Variants in ZBBX observed in about 807,000 individuals in gnomAD.
The protein encoded by ZBBX is zinc finger B-box domain containing.
Under a neutral mutation model 108.5 loss-of-function variants are expected in ZBBX, and 101 were observed. The observed-to-expected ratio is 0.93, with a 90% CI of 0.79 to 1.10. The LOEUF is 1.10. Ranked by LOEUF, ZBBX falls within the 50% of genes least tolerant of loss-of-function variation. The pLI is 0.00. For synonymous variants in ZBBX, 356 were observed against 323.4 expected, an observed-to-expected ratio of 1.10 and a Z score of -1.08; for missense variants, 1,009 against 941.4, an observed-to-expected ratio of 1.07 and a Z score of -0.94.
At chr3:167,247,828 C>A (rs1445961079) in intron 20 of ZBBX, among the ~76,000 whole-genome samples, 12 of 152,152 alleles carry the variant, frequency 7.9e-5, no homozygotes, top group Non-Finnish European at 1.5e-4. Context: ...GAATGTGAAA[C>A]TGTCATGTCT....
intron 18 of ZBBX, among the ~76,000 whole-genome samples, chr3:167,292,098 T>C (rs1237100997): frequency 6.6e-6 from 1 of 152,020 alleles, no homozygotes; most frequent in Non-Finnish European, 1.5e-5. Context: ...TCCTATACAA[T>C]AATAGTGGGA....
intron 1 of ZBBX, among the ~76,000 whole-genome samples, chr3:167,405,175 G>A (rs1368737178): frequency 2.0e-5 from 3 of 152,182 alleles, no homozygotes. Context: ...TGTTAAAAAT[G>A]TCTACAGGGC....
intron 20 of ZBBX, among the ~76,000 whole-genome samples, chr3:167,262,437 G>C (rs1002767440): frequency 5.3e-5 from 8 of 152,154 alleles, no homozygotes; most frequent in African/African-American, 1.7e-4. Context: ...CAATAGGATT[G>C]GTATAAGTTC....
Position 167,317,575 on chromosome 3 carries a change from T to TAA in ZBBX, c.1004_1005dup (p.Lys336LeufsTer45). ...TGTGGGAACGTATCTGGTAGCATTT[T>TAA]AAAAAGTTGCTCTTGTGGAGTTCTA... On this transcript the variant is annotated frameshift_variant, in exon 13 of 22. Transcript: ENST00000675490. LOFTEE classifies it high-confidence loss of function. 6.2e-7 allele frequency: 1 copy of TAA among 1,610,156 alleles called. No homozygotes were observed. Among genetic ancestry groups the TAA allele is most frequent in the African/African-American group, 1.3e-5 (1 of 74,820 alleles).
At chr3:167,208,191 T>A in the ZBBX span, among the ~76,000 whole-genome samples, 12 of 152,158 alleles carry the variant, frequency 7.9e-5, no homozygotes, top group Admixed American at 2.0e-4. Flanking sequence ...CCACTGTGTG[T>A]TAAAGTGCTC....
upstream of ZBBX, among the ~76,000 whole-genome samples, chr3:167,383,924 A>G (rs1480893435): frequency 6.6e-6 from 1 of 152,090 alleles, no homozygotes; most frequent in Admixed American, 6.5e-5. Flanking sequence ...GGAGCATTAC[A>G]TGTTTGTGGC....
intron 2 of ZBBX, among the ~76,000 whole-genome samples, chr3:167,374,064 T>G (rs1228056758): frequency 6.6e-6 from 1 of 152,096 alleles, no homozygotes. Flanking sequence ...TTGTTCTATC[T>G]AAAAATAATA....
intron 12 of ZBBX, among the ~76,000 whole-genome samples, chr3:167,321,745 A>C (rs1736479922): frequency 6.6e-6 from 1 of 152,106 alleles, no homozygotes; most frequent in Admixed American, 6.6e-5. Context: ...AATTAATTTA[A>C]AACTAGATTC....
intron 20 of ZBBX, among the ~76,000 whole-genome samples, chr3:167,263,032 G>GTTTTTTTTTTTTTTTTTTTTTTTTTTT: frequency 9.0e-6 from 1 of 111,034 alleles, no homozygotes; most frequent in African/African-American, 3.3e-5. Flanking sequence ...TGCTTTTCTA[G>GTTTTTTTTTTTTTTTTTTTTTTTTTTT]TTCTTTTTTT....
At chr3:167,355,131 C>T (rs532045784) in intron 8 of ZBBX, among the ~76,000 whole-genome samples, 1 of 152,018 alleles carries the variant, frequency 6.6e-6, no homozygotes, top group East Asian at 1.9e-4. Flanking sequence ...CTTCAGAATC[C>T]ATTTGAGTTT....
chr3:167,232,898 G>A, the ZBBX span, among the ~76,000 whole-genome samples: 2 of 151,700 alleles, frequency 1.3e-5, no homozygotes, highest in African/African-American at 4.8e-5. Flanking sequence ...GCTGGTTTGG[G>A]ACTAGAGGTA....
chr3:167,184,585 A>G, the ZBBX span, among the ~76,000 whole-genome samples: 1 of 152,170 alleles, frequency 6.6e-6, no homozygotes, highest in Non-Finnish European at 1.5e-5. Flanking sequence ...GTCAACAGGA[A>G]ACCGGTTACA....
the ZBBX span, among the ~76,000 whole-genome samples, chr3:167,228,454 A>C: frequency 3.3e-5 from 5 of 151,808 alleles, no homozygotes; most frequent in Non-Finnish European, 5.9e-5. Flanking sequence ...GACTTAGAAC[A>C]GTGCTATTTA....
At chr3:167,378,124 C>T (rs1285336845) in intron 2 of ZBBX, among the ~76,000 whole-genome samples, 1 of 152,170 alleles carries the variant, frequency 6.6e-6, no homozygotes, top group Non-Finnish European at 1.5e-5. Flanking sequence ...GTGAATCAAA[C>T]CTCTTTCCTT....
chr3:167,192,071 G>A, the ZBBX span, among the ~76,000 whole-genome samples: 7 of 151,332 alleles, frequency 4.6e-5, no homozygotes, highest in Admixed American at 6.6e-5. Context: ...CTCTTGACAG[G>A]TTACTGTAGG....
At chr3:167,405,637 C>G (rs560134457) in intron 1 of ZBBX, among the ~76,000 whole-genome samples, 1 of 152,272 alleles carries the variant, frequency 6.6e-6, no homozygotes, top group South Asian at 2.1e-4. Context: ...TTTCAGGGAG[C>G]TTGATATTTA....
chr3:167,231,215 A>T, the ZBBX span, among the ~76,000 whole-genome samples: 1 of 151,936 alleles, frequency 6.6e-6, no homozygotes, highest in Non-Finnish European at 1.5e-5. Flanking sequence ...TAGAGGTTTG[A>T]CAGAATCAGC....
Position 167,242,473 on chromosome 3 carries a change from A to G in ZBBX, c.2393+32T>C, listed in dbSNP as rs371101658. The stretch of plus-strand genomic sequence containing the variant: ...GCTTGTCAAAATTTTACTACATACT[A>G]TATTAATAAATAAACTGCAGGCTTA... On this transcript the variant is annotated intron_variant, in intron 21 of 21. Coordinates refer to ENST00000675490, the MANE Select transcript of ZBBX (RefSeq NM_001199201.2). 2.9e-5 allele frequency: 45 copies of G among 1,569,220 alleles called. No homozygotes were observed. In the African/African-American group the frequency reaches 5.9e-4, roughly 21 times the overall value.
chr3:167,226,761 GA>G, the ZBBX span, among the ~76,000 whole-genome samples: 1 of 151,532 alleles, frequency 6.6e-6, no homozygotes, highest in Non-Finnish European at 1.5e-5. Flanking sequence ...ACTCCCTAAT[GA>G]CTACTTTAGT....
Sources: gnomAD v4.1 joint callset for allele counts (sites outside exome capture counted in the v4.1 genomes callset) on GRCh38, gnomAD v4.1.1 for gene constraint, MANE v1.5 for transcripts, NCBI Gene and HGNC (gene_info 2026-07-23, HGNC 2026-07-21) for gene names.